Variants in CLSTN2 observed in about 807,000 individuals in gnomAD.
The protein encoded by CLSTN2 is calsyntenin-2.
A neutral mutation model predicts 101.2 loss-of-function variants in CLSTN2; 48 were observed. The ratio of observed to expected loss-of-function variants is 0.47; its 90% CI spans 0.38 to 0.60. The LOEUF is 0.60. Among genes scored for constraint, CLSTN2 ranks in the 20% least tolerant of loss-of-function variants. CLSTN2 has a pLI of 0.00. For missense variants in CLSTN2, 1,160 were observed against 1,238.2 expected (o/e 0.94, Z 0.95); for synonymous variants, 481 against 463.6 (o/e 1.04, Z -0.48).
At chr3:140,082,990 A>G (rs142545040) in intron 1 of CLSTN2, among the ~76,000 whole-genome samples, 5 of 152,190 alleles carry the variant, frequency 3.3e-5, no homozygotes, top group Non-Finnish European at 7.4e-5. Context: ...GCCTTTACAC[A>G]TGCTGTTTCC....
chr3:139,959,298 C>T (rs912750801), intron 1 of CLSTN2, among the ~76,000 whole-genome samples: 1 of 152,198 alleles, frequency 6.6e-6, no homozygotes, highest in Non-Finnish European at 1.5e-5. Flanking sequence ...CCATTTGCTG[C>T]TTAGCTTCCC....
At chr3:140,440,540 T>C (rs895694827) in intron 5 of CLSTN2, among the ~76,000 whole-genome samples, 6 of 152,194 alleles carry the variant, frequency 3.9e-5, no homozygotes, top group African/African-American at 1.4e-4. Flanking sequence ...GTGCCTATGA[T>C]GTGTCAGATA....
At position 140,123,043 on chromosome 3, in the gene CLSTN2, A is replaced by C. The variant is rs2009369841; in HGVS notation, c.110-52908A>C. Among the ~76,000 whole-genome samples the C allele has an allele frequency of 5.3e-5, 8 of 151,444 alleles. No individual in the cohort carries two copies. The South Asian group carries it at 1.7e-3, about 32-fold the overall frequency. On this transcript the variant is annotated intron_variant, in intron 1 of 16. Transcript: ENST00000458420. ...GACTGTGTAACTTGGAAATTATAGG[A>C]ATTTATTTCTCACAGTTCTGGAGGC...
chr3:140,529,504 G>T (rs1935212223), intron 8 of CLSTN2, among the ~76,000 whole-genome samples: 1 of 152,196 alleles, frequency 6.6e-6, no homozygotes, highest in Non-Finnish European at 1.5e-5. Context: ...TTTCTTGGTT[G>T]AACTATGCAT....
chr3:140,108,096 A>G (rs2107793256), intron 1 of CLSTN2, among the ~76,000 whole-genome samples: 1 of 152,298 alleles, frequency 6.6e-6, no homozygotes, highest in Middle Eastern at 3.4e-3. Flanking sequence ...CAGTGTGTAG[A>G]GAATATAGAA....
At chr3:140,307,473 C>CA (rs1401631174) in intron 2 of CLSTN2, among the ~76,000 whole-genome samples, 1 of 151,836 alleles carries the variant, frequency 6.6e-6, no homozygotes, top group Non-Finnish European at 1.5e-5. Context: ...TCTACACAAA[C>CA]AAAAAAAAGT....
chr3:139,993,571 G>A (rs1936152109), intron 1 of CLSTN2, among the ~76,000 whole-genome samples: 1 of 152,116 alleles, frequency 6.6e-6, no homozygotes, highest in African/African-American at 2.4e-5. Context: ...AAGGGCCTTT[G>A]GCTCAAACAG....
chr3:140,276,957 A>G (rs2086800766), intron 2 of CLSTN2, among the ~76,000 whole-genome samples: 1 of 152,180 alleles, frequency 6.6e-6, no homozygotes, highest in Admixed American at 6.5e-5. Flanking sequence ...AGCCATCAGC[A>G]TACACAGGAA....
chr3:140,320,968 G>A (rs1207071703), intron 2 of CLSTN2, among the ~76,000 whole-genome samples: 1 of 152,122 alleles, frequency 6.6e-6, no homozygotes, highest in Admixed American at 6.5e-5. Context: ...AACTTCACTG[G>A]GTGCCAGAAG....
intron 1 of CLSTN2, among the ~76,000 whole-genome samples, chr3:140,001,550 A>G (rs758492465): frequency 1.2e-4 from 19 of 152,056 alleles, no homozygotes; most frequent in Non-Finnish European, 2.1e-4. Context: ...CAGGCATGCA[A>G]TATATAATAA....
In CLSTN2 at chr3:140,377,919, T is replaced by C. The variant is rs1280713902; in HGVS notation, c.233-25710T>C. Among the ~76,000 whole-genome samples the C allele has an allele frequency of 2.0e-5, 3 of 152,334 alleles. No individual in the cohort carries two copies. The East Asian group carries it at 5.8e-4, about 29-fold the overall frequency. On this transcript the variant is annotated intron_variant, in intron 2 of 16. Coordinates refer to ENST00000458420, the MANE Select transcript of CLSTN2 (RefSeq NM_022131.3). ...CTTTCAGTCTTGCAGGCTGCATTCA[T>C]GGTAAGTGCCCTGTACAGGTTTACC...
intron 1 of CLSTN2, among the ~76,000 whole-genome samples, chr3:140,088,149 G>T (rs113833503): frequency 0.017 from 2,633 of 152,224 alleles, 75 homozygotes; most frequent in African/African-American, 0.059. Flanking sequence ...AAAACCAGAT[G>T]CAAACATAAT....
intron 2 of CLSTN2, among the ~76,000 whole-genome samples, chr3:140,187,673 C>T (rs1195922779): frequency 1.3e-5 from 2 of 152,150 alleles, no homozygotes; most frequent in Non-Finnish European, 2.9e-5. Flanking sequence ...AATTGTTTCT[C>T]ATGTGTAGTG....
chr3:140,279,146 A>G (rs2086822717), intron 2 of CLSTN2, among the ~76,000 whole-genome samples: 1 of 152,204 alleles, frequency 6.6e-6, no homozygotes, highest in African/African-American at 2.4e-5. Context: ...TATGAGATCC[A>G]TCCCATTGGC....
chr3:140,323,073 G>A (rs889761332), intron 2 of CLSTN2, among the ~76,000 whole-genome samples: 11 of 152,198 alleles, frequency 7.2e-5, no homozygotes, highest in South Asian at 2.1e-4. Flanking sequence ...TAGATGCTGC[G>A]CTTGAGAACA....
At chr3:140,333,524 C>T (rs1417787070) in intron 2 of CLSTN2, among the ~76,000 whole-genome samples, 1 of 152,160 alleles carries the variant, frequency 6.6e-6, no homozygotes, top group Non-Finnish European at 1.5e-5. Flanking sequence ...GGTCTGACTA[C>T]AGTTTTACCC....
At chr3:140,054,337 A>G (rs2008056898) in intron 1 of CLSTN2, among the ~76,000 whole-genome samples, 1 of 152,164 alleles carries the variant, frequency 6.6e-6, no homozygotes, top group Non-Finnish European at 1.5e-5. Context: ...TCTCCCTTTG[A>G]TAGTTGCTGA....
chr3:140,487,690 A>G (rs1383569794), intron 8 of CLSTN2, among the ~76,000 whole-genome samples: 9 of 152,220 alleles, frequency 5.9e-5, no homozygotes, highest in African/African-American at 2.2e-4. Flanking sequence ...TCAGCATCAC[A>G]TGAAATGTTA....
At chr3:140,291,269 C>T (rs891064953) in intron 2 of CLSTN2, among the ~76,000 whole-genome samples, 4 of 152,054 alleles carry the variant, frequency 2.6e-5, no homozygotes, top group Admixed American at 6.6e-5. Context: ...CTCATGGCCC[C>T]GCCTCCTCAC....
Sources: gnomAD v4.1 joint callset for allele counts (sites outside exome capture counted in the v4.1 genomes callset) on GRCh38, gnomAD v4.1.1 for gene constraint, MANE v1.5 for transcripts, NCBI Gene and HGNC (gene_info 2026-07-23, HGNC 2026-07-21) for gene names.